Variants in USO1 observed in about 807,000 individuals in gnomAD.
USO1 encodes the protein general vesicular transport factor p115.
A neutral mutation model predicts 124.5 loss-of-function variants in USO1; 57 were observed. The ratio of observed to expected loss-of-function variants is 0.46; its 90% confidence interval spans 0.37 to 0.57. The LOEUF (loss-of-function observed/expected upper bound fraction) is 0.57. Among genes scored for constraint, USO1 ranks in the 20% least tolerant of loss-of-function variants. The probability of loss-of-function intolerance (pLI) is 0.00; values close to 1 mark genes in which losing one functional copy is unlikely to be tolerated. For synonymous variants in USO1, 369 were observed against 362.8 expected (o/e 1.02, Z -0.19); for missense variants, 900 against 1,040.6 (o/e 0.86, Z 1.86).
intron 8 of USO1, among the ~76,000 whole-genome samples, chr4:75,780,875 G>A (rs913840507): frequency 4.0e-5 from 6 of 151,338 alleles, no homozygotes; most frequent in African/African-American, 1.5e-4. Context: ...TTGAACTCCT[G>A]ACCTCAAGTG....
chr4:75,754,305 ACTC>A (rs577476455), intron 3 of USO1, among the ~76,000 whole-genome samples: 61 of 146,304 alleles, frequency 4.2e-4, no homozygotes, highest in Admixed American at 1.2e-3. Context: ...CTGGTCTCGA[ACTC>A]CTGAACTCAG....
At chr4:75,738,426 C>T (rs1010909171) in intron 1 of USO1, among the ~76,000 whole-genome samples, 1 of 151,796 alleles carries the variant, frequency 6.6e-6, no homozygotes, top group Non-Finnish European at 1.5e-5. Flanking sequence ...CATTGCACTC[C>T]AGCCTGGATG....
chr4:75,807,390 G>C (rs1469185417), intron 20 of USO1, among the ~76,000 whole-genome samples: 1 of 145,870 alleles, frequency 6.9e-6, no homozygotes, highest in Non-Finnish European at 1.5e-5. Context: ...TTTAATCCAA[G>C]CAATACTAAA....
At chr4:75,783,748 G>C (rs1027047365) in intron 9 of USO1, among the ~76,000 whole-genome samples, 12 of 152,062 alleles carry the variant, frequency 7.9e-5, no homozygotes, top group Non-Finnish European at 1.3e-4. Context: ...TACATTACTC[G>C]TTTTGTAATT....
rs1721483799 is a variant in USO1 at position 75,757,580 on chromosome 4, T to G, written c.295+7T>G. ...GAAGAAGAAGAAGAAGTAGGTAAGT[T>G]TCCAGTTATTTTTACTGTGTTTTCT... On this transcript the variant is annotated splice_region_variant and intron_variant, in intron 4 of 23. Coordinates refer to ENST00000514213, the MANE Select transcript of USO1 (RefSeq NM_003715.4). The G allele has an allele frequency of 6.7e-7, 1 of 1,484,108 alleles. No individual in the cohort carries two copies. The highest frequency in any genetic ancestry group is 1.4e-5 in the African/African-American group (1 of 69,108). 91.9% of individuals were successfully genotyped at this position (1,484,108 alleles called of 1,614,324 possible). A position where few individuals can be genotyped will look rare whatever the true frequency, so the allele number is the denominator to read the frequency against.
Position 75,724,854 on chromosome 4 carries a change from G to A in USO1, c.35G>A (p.Ser12Asn). The A allele has an allele frequency of 6.2e-7, 1 of 1,613,846 alleles. No homozygotes were observed. Among genetic ancestry groups the A allele is most frequent in the Non-Finnish European group, 8.5e-7 (1 of 1,179,782 alleles). Reference protein sequence around the residue: ...NFLRGVMGGQSAGPQHTEAET... With the variant: ...NFLRGVMGGQNAGPQHTEAET... ...CTCCGCGGGGTAATGGGGGGTCAGA[G>A]TGCCGGACCCCAGCACACAGAAGCC... The change falls in exon 1 of 24, where the codon AGT becomes AAT. Residue 12 changes from serine to asparagine, a missense_variant. Transcript: ENST00000514213.
chr4:75,729,039 G>A (rs372969338), intron 1 of USO1, among the ~76,000 whole-genome samples: 8 of 152,202 alleles, frequency 5.3e-5, no homozygotes, highest in Admixed American at 1.3e-4. Context: ...TTCGTGATCC[G>A]CCTGCCTTGG....
intron 3 of USO1, chr4:75,755,424 T>C (rs1185274685): frequency 1.9e-6 from 1 of 518,734 alleles, no homozygotes; most frequent in Admixed American, 2.0e-5. Context: ...AGTCATTCTC[T>C]CATTTAATGC....
At chr4:75,733,371 C>A (rs535541946) in intron 1 of USO1, among the ~76,000 whole-genome samples, 1 of 152,268 alleles carries the variant, frequency 6.6e-6, no homozygotes, top group South Asian at 2.1e-4. Context: ...GTTTTAAGTT[C>A]TTTGAGAGAT....
At chr4:75,733,426 A>G (rs1372060519) in intron 1 of USO1, among the ~76,000 whole-genome samples, 2 of 152,194 alleles carry the variant, frequency 1.3e-5, no homozygotes, top group East Asian at 3.8e-4. Flanking sequence ...TTACATTCCC[A>G]CCAACAGTAT....
chr4:75,750,609 G>A (rs1462429442), intron 1 of USO1, among the ~76,000 whole-genome samples: 6 of 151,860 alleles, frequency 4.0e-5, no homozygotes, highest in Non-Finnish European at 5.9e-5. Context: ...TCAGCTTCCC[G>A]AGTAGCTGGG....
chr4:75,744,270 C>T (rs1184858940), intron 1 of USO1, among the ~76,000 whole-genome samples: 1 of 152,190 alleles, frequency 6.6e-6, no homozygotes, highest in Non-Finnish European at 1.5e-5. Flanking sequence ...TTACCAGCCT[C>T]AGGGTTACCA....
intron 1 of USO1, among the ~76,000 whole-genome samples, chr4:75,727,483 T>G (rs1360840411): frequency 1.3e-5 from 2 of 152,238 alleles, no homozygotes; most frequent in Non-Finnish European, 2.9e-5. Flanking sequence ...AAATTATTAT[T>G]CTGAGGTACA....
chr4:75,774,856 A>G (rs1253890665), intron 8 of USO1, 60 bp downstream of exon 8: 3 of 1,554,630 alleles, frequency 1.9e-6, no homozygotes, highest in Non-Finnish European at 2.6e-6. Context: ...TTGTTAGGGT[A>G]TAGGGAATAC....
rs142344608 is a variant in USO1, at chr4:75,799,614, T to C, written c.1453-8T>C. On this transcript the variant is annotated splice_region_variant and splice_polypyrimidine_tract_variant and intron_variant, in intron 13 of 23. Transcript: ENST00000514213. ...ATGGAAAGATTTCTACCAATTTATC[T>C]GTTGCAGGGAAGCAAAATACAAACA... is the stretch of plus-strand genomic sequence containing the variant. 2,335 of 1,611,918 alleles carry C rather than the reference T, an allele frequency of 1.4e-3. 33 individuals are homozygous for C. In the African/African-American group the frequency reaches 0.027, roughly 19 times the overall value.
At chr4:75,804,383 T>A (rs1722936245) in intron 18 of USO1, 111 bp downstream of exon 18, 2 of 1,405,976 alleles carry the variant, frequency 1.4e-6, no homozygotes, top group Non-Finnish European at 1.9e-6. Context: ...ACCTTAATCA[T>A]GGTGACAAAA....
intron 7 of USO1, among the ~76,000 whole-genome samples, chr4:75,773,187 T>G (rs569411319): frequency 6.6e-6 from 1 of 152,326 alleles, no homozygotes; most frequent in Non-Finnish European, 1.5e-5. Flanking sequence ...CCTAACCTTT[T>G]TTCAACTTTT....
At chr4:75,795,226 T>TAATA in intron 13 of USO1, 1 of 664,980 alleles carries the variant, frequency 1.5e-6, no homozygotes, top group Non-Finnish European at 2.7e-6. Context: ...CCCAAATTAT[T>TAATA]GGCTTGAGTT....
intron 18 of USO1, 73 bp downstream of exon 18, chr4:75,804,345 ATTCT>A: frequency 6.7e-7 from 1 of 1,497,890 alleles, no homozygotes; most frequent in African/African-American, 1.4e-5. Flanking sequence ...AAAGTAAAAG[ATTCT>A]TTCTGTGGAC....
Sources: allele counts gnomAD v4.1 joint callset (sites outside exome capture counted in the v4.1 genomes callset), GRCh38; gene constraint gnomAD v4.1.1; transcripts MANE v1.5; gene names NCBI Gene and HGNC (gene_info 2026-07-23, HGNC 2026-07-21).